Variants in TRPM3 observed in about 807,000 individuals in gnomAD.
TRPM3 encodes long transient receptor potential channel 3.
A neutral mutation model predicts 181.2 loss-of-function variants in TRPM3; 77 were observed. That is an observed-to-expected ratio of 0.42 (90% CI 0.35 to 0.51). TRPM3 has a LOEUF of 0.51. Ranked by LOEUF, TRPM3 falls within the 20% of genes least tolerant of loss-of-function variation. TRPM3 has a pLI of 0.01. For missense variants in TRPM3, 1,759 were observed against 2,196.7 expected, an observed-to-expected ratio of 0.80 and a Z score of 3.98; for synonymous variants, 745 against 796.4, an observed-to-expected ratio of 0.94 and a Z score of 1.09.
chr9:70,922,983 C>A (rs1292835677), intron 1 of TRPM3, among the ~76,000 whole-genome samples: 4 of 152,046 alleles, frequency 2.6e-5, no homozygotes, highest in Admixed American at 2.6e-4. Flanking sequence ...TGTAATTGAT[C>A]CACGTATCAA....
chr9:71,064,743 G>T (rs2061709847), intron 1 of TRPM3, among the ~76,000 whole-genome samples: 1 of 152,206 alleles, frequency 6.6e-6, no homozygotes, highest in Non-Finnish European at 1.5e-5. Context: ...ACCCTACAAT[G>T]ACTTCATGTT....
chr9:70,803,834 C>T (rs565546320), intron 6 of TRPM3, among the ~76,000 whole-genome samples: 36 of 152,154 alleles, frequency 2.4e-4, no homozygotes, highest in African/African-American at 7.5e-4. Flanking sequence ...AGCAGAATTA[C>T]GAAGACAAAA....
chr9:70,699,062 C>T lies in TRPM3; in HGVS notation c.1273-17484G>A, dbSNP rs1002407344. ...CAAAATGATACAATTTGTTTTGTTT[C>T]TTTCTCACAGTTAAGGCCTTGTTAA... On this transcript the variant is annotated intron_variant, in intron 8 of 25. Transcript: ENST00000677713. 2.0e-5 allele frequency among the ~76,000 whole-genome samples: 3 copies of T among 152,336 alleles called. No individual in the cohort carries two copies. The East Asian group carries it at 5.8e-4, about 29-fold the overall frequency.
chr9:71,000,778 T>G (rs1411913966), intron 1 of TRPM3, among the ~76,000 whole-genome samples: 3 of 152,080 alleles, frequency 2.0e-5, no homozygotes, highest in African/African-American at 7.2e-5. Flanking sequence ...CACTGAAAAG[T>G]GAGGTGGAGT....
intron 1 of TRPM3, among the ~76,000 whole-genome samples, chr9:71,239,564 C>G (rs1376510286): frequency 1.3e-5 from 2 of 151,964 alleles, no homozygotes; most frequent in Non-Finnish European, 2.9e-5. Context: ...ACATTTAAAA[C>G]AAAACCACCT....
intron 1 of TRPM3, among the ~76,000 whole-genome samples, chr9:71,070,662 G>A (rs906064732): frequency 6.6e-6 from 1 of 152,158 alleles, no homozygotes; most frequent in Admixed American, 6.5e-5. Context: ...AAATGATGAG[G>A]TTTGGAGAGG....
Position 71,328,573 on chromosome 9 carries a change from T to G in TRPM3, c.183+118080A>C, listed in dbSNP as rs1045338922. On this transcript the variant is annotated intron_variant, in intron 1 of 24. Transcript: ENST00000357533. Reference sequence around the variant, plus strand: ...TACTTTCCCAATTCTGAAAAAATCCTTGGTAGAAAGGGACATAGAAGACTG... The same window carrying G: ...TACTTTCCCAATTCTGAAAAAATCCGTGGTAGAAAGGGACATAGAAGACTG... Among the ~76,000 whole-genome samples, 2 of 152,188 alleles carry G rather than the reference T, an allele frequency of 1.3e-5. 1 individual carries two copies. The highest frequency in any genetic ancestry group is 2.9e-5 in the Non-Finnish European group (2 of 68,042).
At chr9:70,585,250 G>A (rs544070364) in intron 22 of TRPM3, among the ~76,000 whole-genome samples, 9 of 152,290 alleles carry the variant, frequency 5.9e-5, no homozygotes, top group South Asian at 2.1e-4. Context: ...CTGAATGGAC[G>A]TCTATAAATA....
chr9:71,418,566 G>C (rs1295844232), intron 1 of TRPM3, among the ~76,000 whole-genome samples: 1 of 151,746 alleles, frequency 6.6e-6, no homozygotes, highest in South Asian at 2.1e-4. Context: ...TCAATGGGGA[G>C]GGGATATTAG....
At chr9:71,243,669 C>T (rs969098411) in intron 1 of TRPM3, among the ~76,000 whole-genome samples, 9 of 152,204 alleles carry the variant, frequency 5.9e-5, no homozygotes, top group African/African-American at 2.2e-4. Flanking sequence ...ATTAGCAAGA[C>T]CTTATATTCA....
chr9:71,002,570 G>A (rs1024837071), intron 1 of TRPM3, among the ~76,000 whole-genome samples: 8 of 151,810 alleles, frequency 5.3e-5, no homozygotes, highest in African/African-American at 1.2e-4. Context: ...CACTATATAC[G>A]TCTACTTTCT....
chr9:71,403,985 A>G (rs2131398230), intron 1 of TRPM3, among the ~76,000 whole-genome samples: 1 of 152,334 alleles, frequency 6.6e-6, no homozygotes, highest in African/African-American at 2.4e-5. Flanking sequence ...TATTAAATTG[A>G]TATACTGAGG....
At chr9:71,357,762 T>C (rs369144948) in intron 1 of TRPM3, among the ~76,000 whole-genome samples, 34 of 152,112 alleles carry the variant, frequency 2.2e-4, no homozygotes, top group African/African-American at 8.0e-4. Context: ...ATCTTTTTCT[T>C]ATCTTTTCTC....
At chr9:71,266,656 C>T (rs964177211) in intron 1 of TRPM3, among the ~76,000 whole-genome samples, 1 of 152,112 alleles carries the variant, frequency 6.6e-6, no homozygotes, top group African/African-American at 2.4e-5. Context: ...GACAAAATTG[C>T]ATGTGTATAA....
intron 1 of TRPM3, among the ~76,000 whole-genome samples, chr9:71,075,760 GA>G (rs1485526185): frequency 3.3e-5 from 5 of 152,158 alleles, no homozygotes; most frequent in African/African-American, 1.2e-4. Context: ...CCAATTTAGG[GA>G]AAACTGTAAC....
intron 19 of TRPM3, among the ~76,000 whole-genome samples, chr9:70,606,649 GTGTATATATA>G (rs2061198773): frequency 1.3e-5 from 1 of 77,818 alleles, no homozygotes. Flanking sequence ...GTGTGTGTGT[GTGTATATATA>G]TATATATATG....
intron 1 of TRPM3, among the ~76,000 whole-genome samples, chr9:71,240,331 T>C (rs2081590347): frequency 6.6e-6 from 1 of 152,200 alleles, no homozygotes; most frequent in African/African-American, 2.4e-5. Flanking sequence ...AGAGATTAGC[T>C]AGATTACAAG....
intron 1 of TRPM3, among the ~76,000 whole-genome samples, chr9:71,119,499 C>T (rs1249257034): frequency 6.6e-6 from 1 of 152,074 alleles, no homozygotes; most frequent in South Asian, 2.1e-4. Context: ...AGGTACTTCT[C>T]TGCTGGTTTT....
At chr9:70,877,865 T>C (rs2095898776) in intron 1 of TRPM3, among the ~76,000 whole-genome samples, 1 of 150,900 alleles carries the variant, frequency 6.6e-6, no homozygotes, top group Non-Finnish European at 1.5e-5. Flanking sequence ...AAGCTATATA[T>C]AACACTATTT....
Sources: gnomAD v4.1 joint callset for allele counts (sites outside exome capture counted in the v4.1 genomes callset) on GRCh38, gnomAD v4.1.1 for gene constraint, MANE v1.5 for transcripts, NCBI Gene and HGNC (gene_info 2026-07-23, HGNC 2026-07-21) for gene names.